Variants in LAD1 observed in about 807,000 individuals in gnomAD.
LAD1 encodes the protein ladinin-1.
In LAD1, 53 loss-of-function variants were observed where a neutral mutation model predicts 54.2. That is an observed-to-expected ratio of 0.98 (90% CI 0.78 to 1.23). The LOEUF (loss-of-function observed/expected upper bound fraction) is 1.23, where lower values mean the gene tolerates loss of function less well. Among genes scored for constraint, LAD1 ranks in the 50% most tolerant of loss-of-function variants. LAD1 has a pLI of 0.00. For synonymous variants in LAD1, 231 were observed against 257.7 expected, an observed-to-expected ratio of 0.90 and a Z score of 0.99; for missense variants, 637 against 653.3, an observed-to-expected ratio of 0.98 and a Z score of 0.27.
chr1:201,384,338 C>CT (rs1045048331), intron 5 of LAD1, among the ~76,000 whole-genome samples: 4 of 151,978 alleles, frequency 2.6e-5, no homozygotes, highest in African/African-American at 4.8e-5. Flanking sequence ...TTCAGTTTTG[C>CT]TTTTTTTTCA....
At chr1:201,392,068 T>A (rs1662204171) in intron 1 of LAD1, among the ~76,000 whole-genome samples, 1 of 152,240 alleles carries the variant, frequency 6.6e-6, no homozygotes, top group African/African-American at 2.4e-5. Flanking sequence ...GCCTGTCTCC[T>A]CCACAGGGAG....
intron 1 of LAD1, among the ~76,000 whole-genome samples, chr1:201,396,383 G>A (rs576263144): frequency 1.3e-5 from 2 of 151,986 alleles, no homozygotes; most frequent in Non-Finnish European, 2.9e-5. Context: ...ACATTCTGCC[G>A]TTACTCACTA....
rs35169716 is a variant in LAD1, at chr1:201,393,851, C to CTTT, written c.39-4551_39-4549dup. Among the ~76,000 whole-genome samples the CTTT allele has an allele frequency of 3.8e-3, 422 of 112,228 alleles. 17 individuals carry two copies. The highest frequency in any genetic ancestry group is 4.6e-3 in the Non-Finnish European group (263 of 57,674). 73.6% of individuals were successfully genotyped at this position (112,228 alleles called of 152,430 possible). ...ATTAATGTACAGATCTTAAGTTTTG[C>CTTT]TTTTTTTTTTTTTTTTTTTGATGAG... On this transcript the variant is annotated intron_variant, in intron 1 of 9. Transcript: ENST00000391967.
At position 201,398,014 on chromosome 1, in the gene LAD1, G is replaced by A. The variant is rs577331652; in HGVS notation, c.38+1255C>T. ...CCAGAGCACTGAGTTCCCTCCATTCGTGGGGCTTACCTTTTCCCCTCTCTA... is the reference window on the plus strand; with the variant it reads ...CCAGAGCACTGAGTTCCCTCCATTCATGGGGCTTACCTTTTCCCCTCTCTA... On this transcript the variant is annotated intron_variant, in intron 1 of 9. Transcript: ENST00000391967. Among the ~76,000 whole-genome samples the A allele has an allele frequency of 3.9e-5, 6 of 152,210 alleles. No homozygotes were observed. In the South Asian group the frequency reaches 8.3e-4, roughly 21 times the overall value.
chr1:201,397,670 A>T (rs908450897), intron 1 of LAD1, among the ~76,000 whole-genome samples: 2 of 152,140 alleles, frequency 1.3e-5, no homozygotes, highest in Non-Finnish European at 2.9e-5. Context: ...AACCCAATGC[A>T]CAGTACTGAG....
In LAD1 at chr1:201,383,390, C is replaced by T; in HGVS notation, c.1176-1G>A. Reference sequence around the variant, plus strand: ...GTTGTCTGGGAGCTTCATGCTGGCACTGCAGGATGGAAGATGGAACAGGCG... The same window carrying T: ...GTTGTCTGGGAGCTTCATGCTGGCATTGCAGGATGGAAGATGGAACAGGCG... On this transcript the variant is annotated splice_acceptor_variant, in intron 5 of 9. Transcript: ENST00000391967. LOFTEE classifies it high-confidence loss of function. The T allele has an allele frequency of 1.2e-6, 2 of 1,614,076 alleles. No homozygotes were observed. The highest frequency in any genetic ancestry group is 2.7e-5 in the African/African-American group (2 of 75,052).
intron 1 of LAD1, among the ~76,000 whole-genome samples, chr1:201,398,448 CG>C (rs1252219991): frequency 6.6e-6 from 1 of 152,068 alleles, no homozygotes; most frequent in African/African-American, 2.4e-5. Flanking sequence ...AGATGGGGGA[CG>C]GGGGCGCCCA....
Position 201,399,298 on chromosome 1 carries a change from G to A in LAD1, c.9C>T (p.Val3=). MA[V]SRKDWSALSS... ...ACAGCGCGGACCAGTCCTTCCTGCT[G>A]ACAGCCATGCTGCAGGAGCCCCGCG... Residue 3 remains valine (V), a synonymous_variant, in exon 1 of 10, where the codon GTC becomes GTT. Transcript: ENST00000391967. 6.5e-7 allele frequency: 1 copy of A among 1,544,830 alleles called. No individual in the cohort carries two copies. Among genetic ancestry groups the A allele is most frequent in the Non-Finnish European group, 8.7e-7 (1 of 1,150,908 alleles).
At chr1:201,394,199 C>T (rs1662246501) in intron 1 of LAD1, among the ~76,000 whole-genome samples, 1 of 152,180 alleles carries the variant, frequency 6.6e-6, no homozygotes, top group Non-Finnish European at 1.5e-5. Flanking sequence ...GGGTGCTGGG[C>T]TCTCCTCCTC....
intron 1 of LAD1, among the ~76,000 whole-genome samples, chr1:201,396,613 T>C (rs2102361597): frequency 1.3e-5 from 2 of 152,030 alleles, no homozygotes; most frequent in Middle Eastern, 3.4e-3. Flanking sequence ...GTGAGAAGGC[T>C]GCCCCAGATG....
intron 2 of LAD1, 142 bp downstream of exon 2, chr1:201,389,018 A>C (rs1662146356): frequency 1.1e-6 from 1 of 933,536 alleles, no homozygotes; most frequent in Non-Finnish European, 1.6e-6. Context: ...AGTCTGGGGA[A>C]GGTGGGGAAC....
rs777005674 is a variant in LAD1 at position 201,383,096 on chromosome 1, G to C, written c.1364C>G (p.Ala455Gly). ...FEKELAGQSR[A>G]EPASSRKENL... The stretch of plus-strand genomic sequence containing the variant: ...CACCTTCCGGCTGGAGGCTGGTTCT[G>C]CTCGGCTCTGGCCCGCCAGTTCCTT... Residue 455 changes from alanine to glycine, a missense_variant, in exon 7 of 10, where the codon GCA becomes GGA. By Grantham distance (60) the Ala-to-Gly change is moderately conservative. Coordinates refer to ENST00000391967, the MANE Select transcript of LAD1 (RefSeq NM_005558.4). 3 of 1,613,674 alleles carry C rather than the reference G, an allele frequency of 1.9e-6. No individual in the cohort carries two copies. The African/African-American group carries it at 4.0e-5, about 22-fold the overall frequency.
intron 8 of LAD1, 86 bp downstream of exon 8, chr1:201,382,567 C>T: frequency 8.6e-7 from 1 of 1,159,468 alleles, no homozygotes; most frequent in Non-Finnish European, 1.3e-6. Context: ...GAAATGACTC[C>T]TCCTCTCCCG....
chr1:201,398,306 C>T (rs1662336197), intron 1 of LAD1, among the ~76,000 whole-genome samples: 1 of 152,174 alleles, frequency 6.6e-6, no homozygotes, highest in African/African-American at 2.4e-5. Flanking sequence ...ATAGCCCTGG[C>T]TCAGGAAAGG....
intron 1 of LAD1, 150 bp downstream of exon 1, chr1:201,399,119 C>T: frequency 1.3e-6 from 1 of 748,338 alleles, no homozygotes; most frequent in Non-Finnish European, 2.2e-6. Flanking sequence ...CGAGTTTGGC[C>T]CCAATCCTGT....
chr1:201,386,007 T>C (rs560990669), intron 3 of LAD1, among the ~76,000 whole-genome samples: 1 of 152,266 alleles, frequency 6.6e-6, no homozygotes, highest in African/African-American at 2.4e-5. Context: ...GGCAGAGCTT[T>C]CCAGGGGAGC....
At chr1:201,383,727 C>T (rs1460936883) in intron 5 of LAD1, among the ~76,000 whole-genome samples, 1 of 151,996 alleles carries the variant, frequency 6.6e-6, no homozygotes, top group South Asian at 2.1e-4. Flanking sequence ...AGCCTGCCAC[C>T]GTGAGCTCTC....
intron 2 of LAD1, among the ~76,000 whole-genome samples, chr1:201,388,028 C>T (rs80231073): frequency 2.0e-5 from 3 of 152,208 alleles, no homozygotes; most frequent in Non-Finnish European, 4.4e-5. Flanking sequence ...TTCAGTAAAC[C>T]CCAGGCTCTT....
Position 201,382,295 on chromosome 1 carries a change from C to A in LAD1, c.1505G>T (p.Arg502Met), listed in dbSNP as rs148760811. The A allele has an allele frequency of 1.7e-5, 27 of 1,613,804 alleles. No homozygotes were observed. The African/African-American group carries it at 3.5e-4, about 21-fold the overall frequency. The stretch of plus-strand genomic sequence containing the variant: ...GTCAGATTTCTGTCCCCACTGAGTC[C>A]TCTCGGTTGCAGATGATGCTTTCTG... Reference protein sequence around the residue: ...EAQKASSATERTQWGQKSDSS... With the variant: ...EAQKASSATEMTQWGQKSDSS... The change falls in exon 9 of 10, where the codon AGG (arginine) becomes ATG (methionine). Residue 502 changes from arginine (R) to methionine (M), a missense_variant. Transcript: ENST00000391967.
Sources: allele counts gnomAD v4.1 joint callset (sites outside exome capture counted in the v4.1 genomes callset), GRCh38; gene constraint gnomAD v4.1.1; transcripts MANE v1.5; gene names NCBI Gene and HGNC (gene_info 2026-07-23, HGNC 2026-07-21).